ATG7: variants seen among roughly 807,000 people sequenced by gnomAD.
The protein encoded by ATG7 is autophagy related 7.
In ATG7, 70 loss-of-function variants were observed where a neutral mutation model predicts 82.4. The ratio of observed to expected loss-of-function variants is 0.85; its 90% CI spans 0.70 to 1.04. The LOEUF is 1.04. Ranked by LOEUF, ATG7 falls within the 50% of genes least tolerant of loss-of-function variation. The probability of loss-of-function intolerance (pLI) is 0.00; values close to 1 mark genes in which losing one functional copy is unlikely to be tolerated. For synonymous variants in ATG7, 287 were observed against 313.0 expected (o/e 0.92, Z 0.88); for missense variants, 792 against 864.3 (o/e 0.92, Z 1.05).
chr3:11,365,444 C>T (rs1191263727), intron 18 of ATG7, among the ~76,000 whole-genome samples: 1 of 152,184 alleles, frequency 6.6e-6, no homozygotes, highest in African/African-American at 2.4e-5. Flanking sequence ...TTCATGTTGC[C>T]TCTTCAGTCA....
At chr3:11,378,415 G>T (rs985928978) in intron 18 of ATG7, among the ~76,000 whole-genome samples, 18 of 150,872 alleles carry the variant, frequency 1.2e-4, no homozygotes, top group African/African-American at 4.4e-4. Context: ...GGGCGCGGTG[G>T]CTCACGCCCG....
chr3:11,385,049 G>A (rs2078213357), intron 19 of ATG7, among the ~76,000 whole-genome samples: 1 of 149,100 alleles, frequency 6.7e-6, no homozygotes, highest in African/African-American at 2.5e-5. Flanking sequence ...TGTTTGTTTT[G>A]GGACGGAGTC....
At chr3:11,431,285 C>CA (rs1349384935) in intron 20 of ATG7, among the ~76,000 whole-genome samples, 1 of 152,200 alleles carries the variant, frequency 6.6e-6, no homozygotes, top group Non-Finnish European at 1.5e-5. Flanking sequence ...CCTGTAATCC[C>CA]AGCTACTCGG....
intron 18 of ATG7, among the ~76,000 whole-genome samples, chr3:11,374,316 A>G (rs945445635): frequency 6.6e-6 from 1 of 152,240 alleles, no homozygotes; most frequent in African/African-American, 2.4e-5. Context: ...TGGCCAACCA[A>G]TACAGTTCAA....
At chr3:11,399,959 T>G (rs999245799) in intron 19 of ATG7, among the ~76,000 whole-genome samples, 3 of 152,232 alleles carry the variant, frequency 2.0e-5, no homozygotes, top group Non-Finnish European at 4.4e-5. Flanking sequence ...CTACACTATG[T>G]ATAGAGTATA....
the ATG7 span, chr3:11,568,612 G>T: frequency 6.4e-7 from 1 of 1,568,984 alleles, no homozygotes; most frequent in Non-Finnish European, 8.7e-7. The surrounding 1 kb of genome is among the most constrained non-coding windows in gnomAD (Gnocchi z 5.9). Context: ...CACATTTCCA[G>T]CTCATTTTCC....
chr3:11,363,130 A>G lies in ATG7; in HGVS notation c.1799+202A>G, dbSNP rs141753227. 5.4e-4 allele frequency: 293 copies of G among 541,942 alleles called. 1 individual carries two copies. The highest frequency in any genetic ancestry group is 4.9e-3 in the African/African-American group (259 of 52,560). The allele number at this position is 541,942 out of a possible 1,614,324, so 33.6% of individuals were successfully genotyped here. A position where few individuals can be genotyped will look rare whatever the true frequency, so the allele number is the denominator to read the frequency against. The stretch of plus-strand genomic sequence containing the variant: ...GTTTCCTTTGTGGCCACATTTCTGC[A>G]TCTTTCCGGACAAAGTCACTATGGT... On this transcript the variant is annotated intron_variant, in intron 17 of 20. Coordinates refer to ENST00000693202, the MANE Select transcript of ATG7 (RefSeq NM_001349232.2).
At chr3:11,375,556 A>AT (rs34787010) in intron 18 of ATG7, among the ~76,000 whole-genome samples, 29 of 151,804 alleles carry the variant, frequency 1.9e-4, no homozygotes, top group African/African-American at 6.0e-4. Flanking sequence ...TGCTAGTGAG[A>AT]TTTTTTTTTC....
chr3:11,357,019 A>G (rs963450490), intron 14 of ATG7, among the ~76,000 whole-genome samples: 2 of 152,148 alleles, frequency 1.3e-5, no homozygotes, highest in African/African-American at 4.8e-5. Flanking sequence ...GATTAGGTTT[A>G]AAGTTGAAGA....
At chr3:11,293,996 C>T (rs1423265398) in intron 3 of ATG7, among the ~76,000 whole-genome samples, 10 of 134,720 alleles carry the variant, frequency 7.4e-5, no homozygotes, top group Admixed American at 4.9e-4. Context: ...CCAGCCTGGG[C>T]GACAGAGCAG....
At chr3:11,542,263 G>A (rs1017790390) in intron 20 of ATG7, among the ~76,000 whole-genome samples, 1 of 152,214 alleles carries the variant, frequency 6.6e-6, no homozygotes, top group South Asian at 2.1e-4. Flanking sequence ...AGGAGAGATC[G>A]TGTAGATATT....
the ATG7 span, among the ~76,000 whole-genome samples, chr3:11,574,783 ATATG>A: frequency 0.022 from 2,451 of 111,530 alleles, 27 homozygotes; most frequent in African/African-American, 0.056. Flanking sequence ...ATTCAACTAT[ATATG>A]TGTGTGTGTG....
intron 18 of ATG7, 50 bp from the exon 19 acceptor site, chr3:11,379,922 T>C (rs17034381): frequency 0.035 from 54,701 of 1,553,834 alleles, 1,107 homozygotes; most frequent in Middle Eastern, 0.066. Flanking sequence ...ATTTCATAGA[T>C]GTGGTCGTTG....
intron 9 of ATG7, among the ~76,000 whole-genome samples, chr3:11,319,558 A>G (rs553281543): frequency 4.6e-5 from 7 of 152,244 alleles, no homozygotes; most frequent in African/African-American, 1.7e-4. Context: ...TTTCCTCCCA[A>G]GTAATTCAAT....
At chr3:11,310,879 G>T (rs1017798252) in intron 7 of ATG7, among the ~76,000 whole-genome samples, 2 of 152,098 alleles carry the variant, frequency 1.3e-5, no homozygotes, top group East Asian at 1.9e-4. Context: ...TGATCCGCCC[G>T]CCTCGGCCTC....
chr3:11,464,864 T>C (rs1183584529), intron 20 of ATG7, among the ~76,000 whole-genome samples: 1 of 152,182 alleles, frequency 6.6e-6, no homozygotes, highest in Non-Finnish European at 1.5e-5. Context: ...GCCCCTTTAC[T>C]ATAAAATGGA....
chr3:11,434,807 G>T (rs952143397), intron 20 of ATG7, among the ~76,000 whole-genome samples: 2 of 152,188 alleles, frequency 1.3e-5, no homozygotes, highest in East Asian at 3.8e-4. Context: ...GAGAAAGAAG[G>T]GGGGAAATCA....
chr3:11,302,994 C>G (rs548733426), intron 5 of ATG7, among the ~76,000 whole-genome samples: 13 of 152,348 alleles, frequency 8.5e-5, no homozygotes, highest in Admixed American at 7.2e-4. Flanking sequence ...CTAAGAAGTT[C>G]ATTTCTTGCT....
At chr3:11,357,774 C>T (rs1481930661) in intron 14 of ATG7, among the ~76,000 whole-genome samples, 1 of 151,920 alleles carries the variant, frequency 6.6e-6, no homozygotes, top group Non-Finnish European at 1.5e-5. Context: ...ACTTTGGAGG[C>T]CGAATCAGGA....
Sources: gnomAD v4.1 joint callset for allele counts (sites outside exome capture counted in the v4.1 genomes callset) on GRCh38, gnomAD v4.1.1 for gene constraint, Gnocchi (gnomAD v3.1) non-coding constraint, MANE v1.5 for transcripts, NCBI Gene and HGNC (gene_info 2026-07-23, HGNC 2026-07-21) for gene names.